The following FAHD2A variants were observed in gnomAD, a reference collection of about 807,000 sequenced individuals.
FAHD2A encodes fumarylacetoacetate hydrolase domain containing 2A.
FAHD2A carries 27 observed loss-of-function variants against 33.4 expected under a neutral mutation model. The ratio of observed to expected loss-of-function variants is 0.81; its 90% CI spans 0.60 to 1.11. The LOEUF (loss-of-function observed/expected upper bound fraction) is 1.11, where lower values mean the gene tolerates loss of function less well. Ranked by LOEUF, FAHD2A falls within the 50% of genes most tolerant of loss-of-function variation. The pLI is 0.00. For missense variants in FAHD2A, 296 were observed against 395.0 expected, an observed-to-expected ratio of 0.75 and a Z score of 2.12; for synonymous variants, 130 against 153.3, an observed-to-expected ratio of 0.85 and a Z score of 1.12.
At chr2:95,404,967 C>T (rs1043268379) in intron 1 of FAHD2A, among the ~76,000 whole-genome samples, 1 of 152,190 alleles carries the variant, frequency 6.6e-6, no homozygotes, top group Non-Finnish European at 1.5e-5. Flanking sequence ...GCAGTGGAAA[C>T]CATTTTAAGT....
downstream of FAHD2A, among the ~76,000 whole-genome samples, chr2:95,419,418 TATG>T (rs1297039392): frequency 6.6e-6 from 1 of 151,714 alleles, no homozygotes; most frequent in African/African-American, 2.4e-5. Context: ...GTTAATAAAA[TATG>T]GAGGAGGAAG....
intron 3 of FAHD2A, among the ~76,000 whole-genome samples, chr2:95,408,210 A>G (rs754552775): frequency 9.2e-5 from 14 of 152,158 alleles, no homozygotes; most frequent in Non-Finnish European, 1.8e-4. Context: ...ATTAACTTGA[A>G]TAATATTTAA....
chr2:95,404,565 G>A (rs2104340842), intron 1 of FAHD2A, among the ~76,000 whole-genome samples: 1 of 152,260 alleles, frequency 6.6e-6, no homozygotes, highest in South Asian at 2.1e-4. Context: ...AAATTGTTAG[G>A]GATATCACGC....
chr2:95,407,211 C>T, intron 3 of FAHD2A, 54 bp downstream of exon 3: 1 of 1,607,594 alleles, frequency 6.2e-7, no homozygotes, highest in Non-Finnish European at 8.5e-7. Context: ...CAAGGGCATT[C>T]TGAGCTCAGT....
chr2:95,404,266 G>A (rs1357912163), intron 1 of FAHD2A, among the ~76,000 whole-genome samples: 1 of 152,068 alleles, frequency 6.6e-6, no homozygotes, highest in Non-Finnish European at 1.5e-5. Context: ...TGGAGCCTTG[G>A]ACTCAAAACA....
Position 95,414,847 on chromosome 2 carries a change from A to T in FAHD2A, c.*1890A>T, listed in dbSNP as rs188722097. ...ACTGCCCTGGGTATCCCAGAACTGA[A>T]CCTGCAGCAGCCAGCACAGCTGACC... is the stretch of plus-strand genomic sequence containing the variant. On this transcript the variant is annotated 3_prime_UTR_variant, in exon 8 of 8. Transcript: ENST00000233379. 1 of 152,434 alleles carries T rather than the reference A, an allele frequency of 6.6e-6. No individual in the cohort carries two copies. Among genetic ancestry groups the T allele is most frequent in the Non-Finnish European group, 1.5e-5 (1 of 68,288 alleles). The allele number at this position is 152,434 out of a possible 1,614,324, so 9.4% of individuals were successfully genotyped here.
chr2:95,407,266 A>G, intron 3 of FAHD2A, 109 bp downstream of exon 3: 10 of 1,503,492 alleles, frequency 6.7e-6, no homozygotes, highest in Non-Finnish European at 9.1e-6. Flanking sequence ...CGCATTCAGC[A>G]GAAACTCTAC....
In FAHD2A at chr2:95,410,896, C is replaced by T. The variant is rs1207717720; in HGVS notation, c.555C>T (p.Phe185=). 6.2e-6 allele frequency: 10 copies of T among 1,613,854 alleles called. No homozygotes were observed. The highest frequency in any genetic ancestry group is 8.5e-6 in the Non-Finnish European group (10 of 1,179,852). The change falls in exon 5 of 8, where the codon TTC becomes TTT. Residue 185 remains phenylalanine, a synonymous_variant. Transcript: ENST00000233379. ...ATGCTATGGCCCACGTGGCCGGCTT[C>T]ACTGTGGCTCATGACGTGAGTGCTC... The part of the protein sequence containing the change: ...ATDAMAHVAG[F]TVAHDVSARD...
intron 3 of FAHD2A, 76 bp from the exon 4 acceptor site, chr2:95,410,451 C>T (rs147628269): frequency 3.9e-6 from 6 of 1,545,146 alleles, no homozygotes; most frequent in Non-Finnish European, 5.3e-6. Flanking sequence ...GGCCCTTCAG[C>T]ATGGTGTGCA....
At chr2:95,407,411 T>C in intron 3 of FAHD2A, 1 of 570,420 alleles carries the variant, frequency 1.8e-6, no homozygotes, top group Admixed American at 3.2e-5. Flanking sequence ...ATGTCACCCA[T>C]AATCCCACTG....
intron 5 of FAHD2A, among the ~76,000 whole-genome samples, chr2:95,411,829 AGGCTGGAGTGCAGT>A (rs2104375653): frequency 6.6e-6 from 1 of 152,298 alleles, no homozygotes; most frequent in African/African-American, 2.4e-5. Flanking sequence ...TGTGTCACCC[AGGCTGGAGTGCAGT>A]GGCCCAATCC....
intron 6 of FAHD2A, 41 bp from the exon 7 acceptor site, chr2:95,412,636 G>A: frequency 6.2e-7 from 1 of 1,613,744 alleles, no homozygotes. Flanking sequence ...GGCCACCTCA[G>A]CCAGCCCCTG....
downstream of FAHD2A, among the ~76,000 whole-genome samples, chr2:95,420,268 T>C (rs1373055147): frequency 6.6e-6 from 1 of 152,106 alleles, no homozygotes; most frequent in Non-Finnish European, 1.5e-5. Flanking sequence ...AGTTGATACA[T>C]AAAATTAACC....
At chr2:95,416,871 G>A (rs552964525), downstream of FAHD2A, among the ~76,000 whole-genome samples, 11 of 152,234 alleles carry the variant, frequency 7.2e-5, no homozygotes, top group East Asian at 1.5e-3. Flanking sequence ...TCTTTCCCTC[G>A]TCTCTCTGCT....
chr2:95,413,866 C>T lies in FAHD2A; in HGVS notation c.*909C>T. 1.2e-6 allele frequency: 1 copy of T among 831,784 alleles called. No individual in the cohort carries two copies. Among genetic ancestry groups the T allele is most frequent in the South Asian group, 1.5e-5 (1 of 68,388 alleles). 51.5% of individuals were successfully genotyped at this position (831,784 alleles called of 1,614,324 possible). ...TTAATGAGGCACCATCAGGCCAGCC[C>T]TGTGGGGTGATGGGAACATAGCTGG... On this transcript the variant is annotated 3_prime_UTR_variant, in exon 8 of 8. Transcript: ENST00000233379.
chr2:95,416,528 C>G lies in FAHD2A; in HGVS notation c.*3571C>G, dbSNP rs1683179293. On this transcript the variant is annotated 3_prime_UTR_variant, in exon 8 of 8. Transcript: ENST00000233379. Reference sequence around the variant, plus strand: ...CAGCTGTCAGCTCCCTGTGCCTAGCCTGGACCTCAGCTCATGTCTAGCACC... The same window carrying G: ...CAGCTGTCAGCTCCCTGTGCCTAGCGTGGACCTCAGCTCATGTCTAGCACC... The G allele has an allele frequency of 6.6e-6, 1 of 152,268 alleles. No homozygotes were observed. The highest frequency in any genetic ancestry group is 2.4e-5 in the African/African-American group (1 of 41,464). 9.4% of individuals were successfully genotyped at this position (152,268 alleles called of 1,614,324 possible).
Position 95,413,175 on chromosome 2 carries a change from G to T in FAHD2A, c.*218G>T. The T allele has an allele frequency of 9.6e-7, 1 of 1,046,736 alleles. No homozygotes were observed. Among genetic ancestry groups the T allele is most frequent in the South Asian group, 1.7e-5 (1 of 59,416 alleles). 64.8% of individuals were successfully genotyped at this position (1,046,736 alleles called of 1,614,324 possible). On this transcript the variant is annotated 3_prime_UTR_variant, in exon 8 of 8. Transcript: ENST00000233379. ...GTCTTCTTTTGGGCTTTGTTTCATGGGACAAGTTGGGGCATTTTGTGGGAC... is the reference window on the plus strand; with the variant it reads ...GTCTTCTTTTGGGCTTTGTTTCATGTGACAAGTTGGGGCATTTTGTGGGAC...
chr2:95,407,402 T>A, intron 3 of FAHD2A: 1 of 598,512 alleles, frequency 1.7e-6, no homozygotes, highest in Non-Finnish European at 2.9e-6. Context: ...TAAAAAATTA[T>A]GTCACCCATA....
chr2:95,413,644 C>G lies in FAHD2A; in HGVS notation c.*687C>G. Reference sequence around the variant, plus strand: ...ACATGGCCCAGGGGCCAGGCCTGTCCCCCAGAAACCTGCCTTGAGACCTCT... The same window carrying G: ...ACATGGCCCAGGGGCCAGGCCTGTCGCCCAGAAACCTGCCTTGAGACCTCT... On this transcript the variant is annotated 3_prime_UTR_variant, in exon 8 of 8. Coordinates refer to ENST00000233379, the MANE Select transcript of FAHD2A (RefSeq NM_016044.3). 7.1e-7 allele frequency: 1 copy of G among 1,411,948 alleles called. No individual in the cohort carries two copies. The highest frequency in any genetic ancestry group is 9.4e-7 in the Non-Finnish European group (1 of 1,065,966). The allele number at this position is 1,411,948 out of a possible 1,614,324, so 87.5% of individuals were successfully genotyped here. A position where few individuals can be genotyped will look rare whatever the true frequency, so the allele number is the denominator to read the frequency against.
Sources: allele counts gnomAD v4.1 joint callset (sites outside exome capture counted in the v4.1 genomes callset), GRCh38; gene constraint gnomAD v4.1.1; transcripts MANE v1.5; gene names NCBI Gene and HGNC (gene_info 2026-07-23, HGNC 2026-07-21).